Variants in MRPL1 observed in about 807,000 individuals in gnomAD.
The protein encoded by MRPL1 is mitochondrial ribosomal protein L1, also known as large ribosomal subunit protein uL1m.
Under a neutral mutation model 38.0 loss-of-function variants are expected in MRPL1, and 28 were observed. The ratio of observed to expected loss-of-function variants is 0.74; its 90% CI spans 0.55 to 1.01. MRPL1 has a LOEUF of 1.01. MRPL1 is among the 50% of genes least tolerant of loss of function. The pLI, the probability that MRPL1 is intolerant of heterozygous loss-of-function variation, is 0.00. For missense variants in MRPL1, 358 were observed against 389.8 expected, an observed-to-expected ratio of 0.92 and a Z score of 0.69; for synonymous variants, 123 against 126.7, an observed-to-expected ratio of 0.97 and a Z score of 0.20.
rs1735040145 is a variant in MRPL1 at position 77,863,063 on chromosome 4, C to T, written c.31+184C>T. On this transcript the variant is annotated intron_variant, in intron 1 of 8. Coordinates refer to ENST00000315567, the MANE Select transcript of MRPL1 (RefSeq NM_020236.4). Reference sequence around the variant, plus strand: ...ACCTTATGAAGGGTTTCACTCCATTCTGGAGACGTCCACCCTGAGGGAGGG... The same window carrying T: ...ACCTTATGAAGGGTTTCACTCCATTTTGGAGACGTCCACCCTGAGGGAGGG... 1.0e-5 allele frequency: 7 copies of T among 681,502 alleles called. No individual in the cohort carries two copies. In the East Asian group the frequency reaches 1.4e-4, roughly 14 times the overall value. The allele number at this position is 681,502 out of a possible 1,614,324, so 42.2% of individuals were successfully genotyped here. A position where few individuals can be genotyped will look rare whatever the true frequency, so the allele number is the denominator to read the frequency against.
intron 1 of MRPL1, among the ~76,000 whole-genome samples, chr4:77,871,008 TAAG>T (rs763839872): frequency 5.3e-5 from 8 of 152,124 alleles, no homozygotes; most frequent in Non-Finnish European, 1.2e-4. Flanking sequence ...ACAAATAAAT[TAAG>T]AAATTTTGGG....
rs77676024 is a variant in MRPL1 at position 77,883,320 on chromosome 4, A to G, written c.222A>G (p.Ala74=). 2,547 of 1,612,172 alleles carry G rather than the reference A, an allele frequency of 1.6e-3. 79 individuals are homozygous for G. In the East Asian group the frequency reaches 0.047, roughly 30 times the overall value. Residue 74 remains alanine, a synonymous_variant, in exon 3 of 9, where the codon GCA becomes GCG. Transcript: ENST00000315567. ...AAGATGAAATAGAAAAAATAAAAGC[A>G]TATCCCTATATGGAAGGCGAACCTG... ...EKKDEIEKIK[A]YPYMEGEPED...
At chr4:77,878,568 A>G (rs939126558) in intron 2 of MRPL1, among the ~76,000 whole-genome samples, 1 of 152,054 alleles carries the variant, frequency 6.6e-6, no homozygotes, top group Non-Finnish European at 1.5e-5. Flanking sequence ...GAACTTTATT[A>G]TATCTCTGAT....
At chr4:77,890,172 G>T (rs889236516) in intron 5 of MRPL1, among the ~76,000 whole-genome samples, 2 of 151,866 alleles carry the variant, frequency 1.3e-5, no homozygotes, top group Admixed American at 6.6e-5. Context: ...GCAGAGACAC[G>T]ACAAAAAAAG....
intron 1 of MRPL1, among the ~76,000 whole-genome samples, chr4:77,867,574 C>T (rs190597777): frequency 4.0e-5 from 6 of 151,580 alleles, no homozygotes; most frequent in Non-Finnish European, 5.9e-5. Context: ...TTTCAAGAGA[C>T]GGGGTCTCAC....
chr4:77,916,513 A>T (rs1736428038), intron 7 of MRPL1, among the ~76,000 whole-genome samples: 1 of 152,194 alleles, frequency 6.6e-6, no homozygotes, highest in South Asian at 2.1e-4. Flanking sequence ...TTCCAGAAAT[A>T]TTAAGGCATA....
intron 2 of MRPL1, 65 bp from the exon 3 acceptor site, chr4:77,883,177 C>CTTT: frequency 4.6e-5 from 49 of 1,072,996 alleles, no homozygotes; most frequent in Middle Eastern, 3.2e-4. Flanking sequence ...TGTACACTGG[C>CTTT]TTTTTTTTTA....
At chr4:77,896,201 A>G (rs1735908273) in intron 6 of MRPL1, among the ~76,000 whole-genome samples, 1 of 144,934 alleles carries the variant, frequency 6.9e-6, no homozygotes, top group Non-Finnish European at 1.5e-5. Flanking sequence ...TGGCATCTCA[A>G]TATTTGGAAC....
At chr4:77,866,808 C>T (rs527700480) in intron 1 of MRPL1, among the ~76,000 whole-genome samples, 1 of 150,124 alleles carries the variant, frequency 6.7e-6, no homozygotes, top group South Asian at 2.1e-4. Context: ...AGTGCAATGG[C>T]GCGATCTCGG....
chr4:77,905,312 C>A (rs577652205), intron 6 of MRPL1, among the ~76,000 whole-genome samples: 1 of 151,806 alleles, frequency 6.6e-6, no homozygotes, highest in Non-Finnish European at 1.5e-5. Flanking sequence ...GCCTGGCCAA[C>A]CTGGTGAAAC....
intron 1 of MRPL1, among the ~76,000 whole-genome samples, chr4:77,869,659 G>A (rs1414704050): frequency 2.6e-5 from 4 of 152,098 alleles, no homozygotes; most frequent in East Asian, 3.9e-4. Flanking sequence ...GCAGTGGCGC[G>A]GCTCACTGCA....
At chr4:77,923,211 T>C (rs1036471914) in intron 7 of MRPL1, among the ~76,000 whole-genome samples, 1 of 152,074 alleles carries the variant, frequency 6.6e-6, no homozygotes, top group African/African-American at 2.4e-5. Flanking sequence ...TTCTCCTGCC[T>C]CAGCCTCCTG....
chr4:77,901,808 A>G (rs767320315), intron 6 of MRPL1, among the ~76,000 whole-genome samples: 1 of 152,196 alleles, frequency 6.6e-6, no homozygotes, highest in Non-Finnish European at 1.5e-5. Flanking sequence ...TAGACAGAAA[A>G]TTAGTAAGGA....
At position 77,909,348 on chromosome 4, in the gene MRPL1, C is replaced by T. The variant is rs745799847; in HGVS notation, c.753C>T (p.Asn251=). 2.5e-6 allele frequency: 4 copies of T among 1,602,622 alleles called. No individual in the cohort carries two copies. Among genetic ancestry groups the T allele is most frequent in the Non-Finnish European group, 3.4e-6 (4 of 1,173,004 alleles). ...HEIKVDEERE[N]FLQTKIATLD... ...TTAAGGTAGATGAAGAAAGGGAGAA[C>T]TTTCTCCAGACCAAAATAGCAACAG... is the stretch of plus-strand genomic sequence containing the variant. The change falls in exon 7 of 9, where the codon AAC becomes AAT. Residue 251 remains asparagine (N), a synonymous_variant. Transcript: ENST00000315567.
intron 7 of MRPL1, among the ~76,000 whole-genome samples, chr4:77,924,476 T>C (rs1295529994): frequency 6.6e-6 from 1 of 152,148 alleles, no homozygotes; most frequent in African/African-American, 2.4e-5. Flanking sequence ...GAATCTTGCC[T>C]CCTCCCTTCA....
intron 7 of MRPL1, among the ~76,000 whole-genome samples, chr4:77,947,825 T>C (rs1220365360): frequency 6.6e-6 from 1 of 152,210 alleles, no homozygotes; most frequent in Non-Finnish European, 1.5e-5. Context: ...AAATAAAAAG[T>C]ATTATAGCTG....
chr4:77,887,259 G>A lies in MRPL1; in HGVS notation c.526G>A (p.Ala176Thr), dbSNP rs771343076. The stretch of plus-strand genomic sequence containing the variant: ...CAAAATAGCGGAAGAAAATGGAGCT[G>A]CATTTGCAGGAGGCACTAGTCTGAT... ...EVKIAEENGA[A>T]FAGGTSLIQK... The change falls in exon 5 of 9, where the codon GCA becomes ACA. Residue 176 changes from alanine (A) to threonine (T), a missense_variant. Ala to Thr is a moderately conservative substitution (Grantham distance 58). Coordinates refer to ENST00000315567, the MANE Select transcript of MRPL1 (RefSeq NM_020236.4). The A allele has an allele frequency of 1.2e-6, 2 of 1,613,900 alleles. No individual in the cohort carries two copies. Among genetic ancestry groups the A allele is most frequent in the East Asian group, 4.5e-5 (2 of 44,858 alleles).
chr4:77,930,376 C>T (rs1459954388), intron 7 of MRPL1, among the ~76,000 whole-genome samples: 2 of 152,174 alleles, frequency 1.3e-5, no homozygotes, highest in East Asian at 3.8e-4. Context: ...CCCCATGGCT[C>T]GCATTACTGT....
At chr4:77,912,552 A>G (rs1163484331) in intron 7 of MRPL1, among the ~76,000 whole-genome samples, 1 of 152,186 alleles carries the variant, frequency 6.6e-6, no homozygotes, top group African/African-American at 2.4e-5. Context: ...TAAGAAAAAT[A>G]AAAAATCTAA....
Sources: allele counts gnomAD v4.1 joint callset (sites outside exome capture counted in the v4.1 genomes callset), GRCh38; gene constraint gnomAD v4.1.1; transcripts MANE v1.5; gene names NCBI Gene and HGNC (gene_info 2026-07-23, HGNC 2026-07-21).